TMBIM4: variants seen among roughly 807,000 people sequenced by gnomAD.
TMBIM4 encodes transmembrane BAX inhibitor motif containing 4.
Under a neutral mutation model 27.7 loss-of-function variants are expected in TMBIM4, and 28 were observed. The ratio of observed to expected loss-of-function variants is 1.01; its 90% CI spans 0.75 to 1.38. The LOEUF (loss-of-function observed/expected upper bound fraction) is 1.38, where lower values mean the gene tolerates loss of function less well. TMBIM4 is among the 40% of genes most tolerant of loss of function. The probability of loss-of-function intolerance (pLI) is 0.00; values close to 1 mark genes in which losing one functional copy is unlikely to be tolerated. For missense variants in TMBIM4, 265 were observed against 277.5 expected, an observed-to-expected ratio of 0.95 and a Z score of 0.32; for synonymous variants, 115 against 113.1, an observed-to-expected ratio of 1.02 and a Z score of -0.11.
chr12:66,167,873 A>G (rs565478298), intron 1 of TMBIM4, among the ~76,000 whole-genome samples: 1 of 152,330 alleles, frequency 6.6e-6, no homozygotes, highest in Non-Finnish European at 1.5e-5. Context: ...CCATCAATGG[A>G]TGAATAAACA....
At chr12:66,149,342 CTGGGAGG>C (rs1026030080) in intron 3 of TMBIM4, among the ~76,000 whole-genome samples, 1 of 147,226 alleles carries the variant, frequency 6.8e-6, no homozygotes, top group African/African-American at 2.5e-5. Context: ...ACTTGGGAGG[CTGGGAGG>C]TGGGAGGATC....
At chr12:66,143,483 A>G (rs1285343379) in intron 5 of TMBIM4, among the ~76,000 whole-genome samples, 1 of 152,140 alleles carries the variant, frequency 6.6e-6, no homozygotes, top group Non-Finnish European at 1.5e-5. Context: ...GCCTACTTTA[A>G]ACTTCCAGCA....
At position 66,138,072 on chromosome 12, in the gene TMBIM4, A is replaced by G. The variant is rs2051606637; in HGVS notation, c.605T>C (p.Met202Thr). The G allele has an allele frequency of 8.1e-6, 13 of 1,614,050 alleles. No homozygotes were observed. Among genetic ancestry groups the G allele is most frequent in the Middle Eastern group, 1.6e-4 (1 of 6,084 alleles). The change falls in exon 7 of 7, where the codon ATG becomes ACG. Residue 202 changes from methionine to threonine, a missense_variant. Coordinates refer to ENST00000358230, the MANE Select transcript of TMBIM4 (RefSeq NM_016056.4). ...GFIIYDTHSL[M>T]HKLSPEEYVL... ...GTACTCTTCAGGTGACAGTTTATGC[A>G]TCAGTGAGTGTGTGTCATAGATGAT...
At chr12:66,143,721 C>T (rs1213175203) in intron 5 of TMBIM4, among the ~76,000 whole-genome samples, 2 of 152,290 alleles carry the variant, frequency 1.3e-5, no homozygotes, top group African/African-American at 2.4e-5. Context: ...TAACGCACTT[C>T]TTCAGTCCCT....
At chr12:66,147,505 A>G (rs1240452432) in intron 4 of TMBIM4, among the ~76,000 whole-genome samples, 1 of 152,218 alleles carries the variant, frequency 6.6e-6, no homozygotes, top group Non-Finnish European at 1.5e-5. Context: ...TGAGGATATA[A>G]TGTTAAAGCA....
At chr12:66,161,387 C>T (rs1398387104) in intron 1 of TMBIM4, among the ~76,000 whole-genome samples, 2 of 152,158 alleles carry the variant, frequency 1.3e-5, no homozygotes, top group African/African-American at 4.8e-5. Context: ...ATTACAGACA[C>T]ATGCCACCAC....
intron 1 of TMBIM4, among the ~76,000 whole-genome samples, chr12:66,153,802 T>A (rs1215335338): frequency 2.0e-5 from 3 of 152,114 alleles, no homozygotes; most frequent in Non-Finnish European, 4.4e-5. Context: ...TGATTATATC[T>A]TGAATCTGAA....
intron 6 of TMBIM4, 127 bp from the exon 7 acceptor site, chr12:66,138,293 A>G: frequency 7.0e-7 from 1 of 1,435,332 alleles, no homozygotes; most frequent in Admixed American, 3.0e-5. Context: ...TTGAATACAA[A>G]TGTTAAAAGC....
intron 1 of TMBIM4, chr12:66,160,978 G>C (rs1438513049): frequency 6.7e-6 from 1 of 150,154 alleles, no homozygotes; most frequent in African/African-American, 2.5e-5. Context: ...GGGCAGAGGC[G>C]CTGCTCACTT....
intron 5 of TMBIM4, among the ~76,000 whole-genome samples, chr12:66,144,397 C>G (rs1287229959): frequency 1.3e-5 from 2 of 152,014 alleles, no homozygotes; most frequent in Non-Finnish European, 2.9e-5. Flanking sequence ...AGTGGAAACC[C>G]AAAGAAGTAA....
intron 1 of TMBIM4, among the ~76,000 whole-genome samples, chr12:66,166,602 C>G (rs2052134947): frequency 6.6e-6 from 1 of 152,076 alleles, no homozygotes; most frequent in Non-Finnish European, 1.5e-5. Context: ...GATGCCACTA[C>G]ACACCTATTA....
intron 1 of TMBIM4, among the ~76,000 whole-genome samples, chr12:66,158,763 A>G (rs2051989265): frequency 6.6e-6 from 1 of 152,212 alleles, no homozygotes; most frequent in Non-Finnish European, 1.5e-5. Context: ...TATTGAATGG[A>G]ATGAAACCCA....
intron 4 of TMBIM4, among the ~76,000 whole-genome samples, chr12:66,146,508 G>C (rs913022208): frequency 4.6e-5 from 7 of 152,160 alleles, no homozygotes; most frequent in African/African-American, 1.7e-4. Context: ...GCAGAGGACA[G>C]AAACCAACCA....
chr12:66,150,399 C>T (rs1441133454), intron 3 of TMBIM4, among the ~76,000 whole-genome samples: 1 of 148,382 alleles, frequency 6.7e-6, no homozygotes, highest in Non-Finnish European at 1.5e-5. Flanking sequence ...CCTTCCTTTT[C>T]CTTTCTTCCT....
chr12:66,138,831 C>A, intron 5 of TMBIM4, 62 bp from the exon 6 acceptor site: 2 of 1,391,266 alleles, frequency 1.4e-6, no homozygotes, highest in Non-Finnish European at 9.4e-7. Flanking sequence ...TTTGTAAACC[C>A]ATTCAACACT....
chr12:66,165,795 G>A (rs2052116658), intron 1 of TMBIM4, among the ~76,000 whole-genome samples: 1 of 152,016 alleles, frequency 6.6e-6, no homozygotes, highest in South Asian at 2.1e-4. Context: ...GTTATTGAAT[G>A]GTAGGATTTC....
chr12:66,156,457 G>A (rs974832434), intron 1 of TMBIM4, among the ~76,000 whole-genome samples: 15 of 152,128 alleles, frequency 9.9e-5, no homozygotes, highest in Admixed American at 4.6e-4. Flanking sequence ...GGTCTCCTCT[G>A]TTACCTCCCT....
At chr12:66,155,333 T>TGAGAGAGAGAGAGAGAGAGA (rs1395788670) in intron 1 of TMBIM4, among the ~76,000 whole-genome samples, 14 of 72,596 alleles carry the variant, frequency 1.9e-4, no homozygotes, top group African/African-American at 6.2e-4. Context: ...TGTGCACACG[T>TGAGAGAGAGAGAGAGAGAGA]GTGAGAGAGA....
chr12:66,142,658 G>A (rs1012322773), intron 5 of TMBIM4, among the ~76,000 whole-genome samples: 3 of 151,358 alleles, frequency 2.0e-5, no homozygotes, highest in Non-Finnish European at 4.4e-5. Flanking sequence ...CTGCTCTAGC[G>A]AGCACTATTT....
Sources: gnomAD v4.1 joint callset for allele counts (sites outside exome capture counted in the v4.1 genomes callset) on GRCh38, gnomAD v4.1.1 for gene constraint, MANE v1.5 for transcripts, NCBI Gene and HGNC (gene_info 2026-07-23, HGNC 2026-07-21) for gene names.